The following EPM2A variants were observed in gnomAD, a reference collection of about 807,000 sequenced individuals.
EPM2A encodes EPM2A glucan phosphatase, laforin, also known as laforin.
EPM2A carries 21 observed loss-of-function variants against 26.5 expected under a neutral mutation model. That is an observed-to-expected ratio of 0.79 (90% confidence interval 0.56 to 1.14). The LOEUF (loss-of-function observed/expected upper bound fraction) is 1.14, where lower values mean the gene tolerates loss of function less well. Among genes scored for constraint, EPM2A ranks in the 50% most tolerant of loss-of-function variants. EPM2A has a pLI of 0.00. For missense variants in EPM2A, 458 were observed against 440.8 expected (o/e 1.04, Z -0.35); for synonymous variants, 217 against 177.6 (o/e 1.22, Z -1.76).
At chr6:145,577,494 T>C (rs893855636) in intron 2 of EPM2A, among the ~76,000 whole-genome samples, 1 of 151,696 alleles carries the variant, frequency 6.6e-6, no homozygotes, top group Admixed American at 6.6e-5. Context: ...CAAAAGGATA[T>C]AACAATAGTA....
chr6:145,676,425 C>G (rs1780045939), intron 2 of EPM2A, among the ~76,000 whole-genome samples: 1 of 152,002 alleles, frequency 6.6e-6, no homozygotes, highest in Non-Finnish European at 1.5e-5. Context: ...TAACTAAGAT[C>G]AGAGCAGAAC....
chr6:145,672,306 C>T (rs959485487), intron 2 of EPM2A, among the ~76,000 whole-genome samples: 2 of 152,186 alleles, frequency 1.3e-5, no homozygotes, highest in African/African-American at 4.8e-5. Context: ...CCCCAAATCC[C>T]TTTAAAACAC....
intron 2 of EPM2A, among the ~76,000 whole-genome samples, chr6:145,516,523 G>A (rs1013066310): frequency 6.6e-6 from 1 of 152,140 alleles, no homozygotes; most frequent in African/African-American, 2.4e-5. Context: ...CAAAGAGACT[G>A]ATAGCATTTA....
intron 4 of EPM2A, among the ~76,000 whole-genome samples, chr6:145,434,941 T>G (rs568669267): frequency 1.5e-4 from 23 of 152,214 alleles, no homozygotes; most frequent in African/African-American, 5.3e-4. Context: ...TAATAAGTTC[T>G]TATGAGATCT....
chr6:145,716,569 A>T (rs192954955), intron 1 of EPM2A, among the ~76,000 whole-genome samples: 2 of 152,080 alleles, frequency 1.3e-5, no homozygotes, highest in East Asian at 3.9e-4. Context: ...AAGAAAGAAG[A>T]CCCTACCCCT....
chr6:145,519,859 A>G (rs1408851939), intron 2 of EPM2A, among the ~76,000 whole-genome samples: 1 of 152,206 alleles, frequency 6.6e-6, no homozygotes, highest in Non-Finnish European at 1.5e-5. Context: ...TCTGAAGATG[A>G]AGAAATGTAG....
At chr6:145,431,199 C>T (rs953352242) in intron 4 of EPM2A, among the ~76,000 whole-genome samples, 6 of 152,084 alleles carry the variant, frequency 3.9e-5, no homozygotes, top group African/African-American at 1.4e-4. Flanking sequence ...AGACCAGGGT[C>T]AAGGGTCAAA....
intron 1 of EPM2A, among the ~76,000 whole-genome samples, chr6:145,689,144 T>C (rs1055980791): frequency 2.6e-5 from 4 of 152,354 alleles, no homozygotes; most frequent in African/African-American, 9.6e-5. Flanking sequence ...ATTTCTTTAA[T>C]TACTCATTTT....
intron 4 of EPM2A, among the ~76,000 whole-genome samples, chr6:145,486,262 G>A (rs558222183): frequency 5.3e-5 from 8 of 152,336 alleles, no homozygotes; most frequent in African/African-American, 1.9e-4. Context: ...TCAGGTACTT[G>A]AGGTGGGAGG....
chr6:145,529,417 T>C (rs1262316394), intron 2 of EPM2A, among the ~76,000 whole-genome samples: 2 of 152,172 alleles, frequency 1.3e-5, no homozygotes, highest in African/African-American at 4.8e-5. Context: ...CAGCAATCAC[T>C]ACCCTGCTTA....
At chr6:145,578,400 CTATT>C (rs368096639) in intron 2 of EPM2A, among the ~76,000 whole-genome samples, 111 of 152,196 alleles carry the variant, frequency 7.3e-4, no homozygotes, top group African/African-American at 2.6e-3. Context: ...AGATTAGAGA[CTATT>C]ATGAACAACT....
At position 145,602,856 on chromosome 6, in the gene EPM2A, T is replaced by C. The variant is rs1781432679; in HGVS notation, c.340+32389A>G. On this transcript the variant is annotated intron_variant, in intron 2 of 3. Coordinates refer to the EPM2A transcript ENST00000450221. ...TGGAATACCTTACTTTTCCACATTT[T>C]ACAAAAATGTGTGACCCAAAGGAAT... 1.3e-5 allele frequency among the ~76,000 whole-genome samples: 2 copies of C among 152,196 alleles called. 1 individual carries two copies. The highest frequency in any genetic ancestry group is 4.1e-4 in the South Asian group (2 of 4,832).
At chr6:145,443,782 TG>T (rs1369278101) in intron 4 of EPM2A, among the ~76,000 whole-genome samples, 28 of 152,100 alleles carry the variant, frequency 1.8e-4, no homozygotes, top group Non-Finnish European at 3.7e-4. Context: ...GATTGAATCA[TG>T]GGGGTGGGTA....
intron 2 of EPM2A, among the ~76,000 whole-genome samples, chr6:145,601,462 C>A (rs991600727): frequency 2.2e-4 from 34 of 152,154 alleles, no homozygotes; most frequent in Non-Finnish European, 8.8e-5. Flanking sequence ...AATCAGATTT[C>A]TATTGGGAAT....
intron 3 of EPM2A, among the ~76,000 whole-genome samples, chr6:145,634,149 T>G (rs948146355): frequency 3.9e-5 from 6 of 152,112 alleles, no homozygotes; most frequent in African/African-American, 9.7e-5. Flanking sequence ...GTCATCAAAC[T>G]CCTTAGCCTC....
At chr6:145,644,448 A>G (rs554605912) in intron 2 of EPM2A, among the ~76,000 whole-genome samples, 9 of 152,256 alleles carry the variant, frequency 5.9e-5, no homozygotes, top group South Asian at 4.1e-4. Flanking sequence ...GAAAAGCTGC[A>G]TAAGTTTTTT....
chr6:145,548,405 G>T (rs1022753027), intron 2 of EPM2A, among the ~76,000 whole-genome samples: 3 of 152,044 alleles, frequency 2.0e-5, no homozygotes, highest in Non-Finnish European at 4.4e-5. Flanking sequence ...TTCCTGCCTA[G>T]ATGACTTTGC....
At chr6:145,549,334 T>C (rs1562378448) in intron 2 of EPM2A, among the ~76,000 whole-genome samples, 1 of 152,152 alleles carries the variant, frequency 6.6e-6, no homozygotes, top group Non-Finnish European at 1.5e-5. Context: ...TTAAAAAGTA[T>C]AAAGCAATAT....
downstream of EPM2A, among the ~76,000 whole-genome samples, chr6:145,497,242 G>A (rs12663205): frequency 0.45 from 68,228 of 151,816 alleles, 15,333 homozygotes; most frequent in South Asian, 0.58. Flanking sequence ...ATTTGGATGC[G>A]GTTTTGGGTT....
Sources: allele counts gnomAD v4.1 joint callset (sites outside exome capture counted in the v4.1 genomes callset), GRCh38; gene constraint gnomAD v4.1.1; transcripts MANE v1.5; gene names NCBI Gene and HGNC (gene_info 2026-07-23, HGNC 2026-07-21).